MYT1L: variants seen among roughly 807,000 people sequenced by gnomAD.
MYT1L encodes the protein myelin transcription factor 1 like, also known as myelin transcription factor 1-like protein.
In MYT1L, 12 loss-of-function variants were observed where a neutral mutation model predicts 126.7. The ratio of observed to expected loss-of-function variants is 0.09; its 90% CI spans 0.06 to 0.15. MYT1L has a LOEUF of 0.15. MYT1L is among the 10% of genes least tolerant of loss of function. The pLI is 1.00. For synonymous variants in MYT1L, 541 were observed against 604.2 expected (o/e 0.90, Z 1.53); for missense variants, 979 against 1,585.2 (o/e 0.62, Z 6.49).
intron 19 of MYT1L, among the ~76,000 whole-genome samples, chr2:1,846,521 G>A (rs1051065522): frequency 3.0e-4 from 46 of 152,256 alleles, no homozygotes; most frequent in African/African-American, 1.0e-3. Flanking sequence ...GTGAGCACAC[G>A]GACAGAGCAT....
At chr2:1,968,911 G>A (rs566619325) in intron 8 of MYT1L, among the ~76,000 whole-genome samples, 8 of 152,238 alleles carry the variant, frequency 5.3e-5, no homozygotes, top group African/African-American at 1.7e-4. Flanking sequence ...CCCCTCCTGC[G>A]TGTGCAGCAG....
chr2:2,287,412 GC>G (rs149606681), intron 1 of MYT1L, among the ~76,000 whole-genome samples: 1,594 of 152,146 alleles, frequency 0.01, 21 homozygotes, highest in African/African-American at 0.032. Context: ...GTTAAGCATC[GC>G]CAGCATCCTG....
chr2:2,209,018 A>T (rs2093411124), intron 2 of MYT1L, among the ~76,000 whole-genome samples: 2 of 152,036 alleles, frequency 1.3e-5, no homozygotes, highest in African/African-American at 4.8e-5. Context: ...ACACACACAC[A>T]CACACACCCC....
At chr2:1,993,137 A>G (rs1186842794) in intron 5 of MYT1L, among the ~76,000 whole-genome samples, 2 of 152,148 alleles carry the variant, frequency 1.3e-5, no homozygotes, top group African/African-American at 4.8e-5. Context: ...GTAATAATGA[A>G]ACTCCAGCCT....
intron 5 of MYT1L, among the ~76,000 whole-genome samples, chr2:1,982,864 G>A (rs547162691): frequency 6.6e-6 from 1 of 152,280 alleles, no homozygotes; most frequent in East Asian, 1.9e-4. Context: ...TAGTTTAGGG[G>A]AGCACCTGTG....
chr2:2,154,945 G>A (rs2086476587), intron 3 of MYT1L, among the ~76,000 whole-genome samples: 1 of 152,258 alleles, frequency 6.6e-6, no homozygotes, highest in Admixed American at 6.5e-5. Context: ...TGACCAACAT[G>A]GAGAGACCTT....
chr2:1,963,478 T>A (rs1329520845), intron 8 of MYT1L, among the ~76,000 whole-genome samples: 5 of 152,336 alleles, frequency 3.3e-5, no homozygotes, highest in South Asian at 2.1e-4. Context: ...CCTTTGAAGC[T>A]TTGAACCCAG....
At chr2:1,954,240 C>A (rs2058133493) in intron 8 of MYT1L, among the ~76,000 whole-genome samples, 1 of 152,204 alleles carries the variant, frequency 6.6e-6, no homozygotes, top group Admixed American at 6.5e-5. Flanking sequence ...CACCGTGAGT[C>A]AGAAAACATA....
chr2:2,107,341 T>C (rs1340170377), intron 3 of MYT1L, among the ~76,000 whole-genome samples: 4 of 152,232 alleles, frequency 2.6e-5, no homozygotes, highest in Non-Finnish European at 2.9e-5. Flanking sequence ...ATAAGTTTTA[T>C]TGGAACACTG....
At chr2:1,865,335 T>C (rs566529413) in intron 18 of MYT1L, among the ~76,000 whole-genome samples, 4 of 152,154 alleles carry the variant, frequency 2.6e-5, no homozygotes, top group Non-Finnish European at 5.9e-5. Context: ...GGGGTTCCTG[T>C]GGGCTTTGAG....
At chr2:2,276,611 G>C (rs545230819) in intron 2 of MYT1L, among the ~76,000 whole-genome samples, 17 of 152,260 alleles carry the variant, frequency 1.1e-4, no homozygotes, top group Admixed American at 9.8e-4. Flanking sequence ...CGCTAAGGCT[G>C]GTTGTCACAT....
chr2:2,066,714 G>A (rs541358247), intron 3 of MYT1L, among the ~76,000 whole-genome samples: 8 of 152,274 alleles, frequency 5.3e-5, no homozygotes, highest in South Asian at 4.2e-4. Context: ...AAAAGTTGCC[G>A]CTGTCCTGTC....
chr2:1,903,603 G>T (rs942363797), intron 13 of MYT1L, among the ~76,000 whole-genome samples: 1 of 152,126 alleles, frequency 6.6e-6, no homozygotes, highest in African/African-American at 2.4e-5. Context: ...TGAGATATGA[G>T]GATGGGGACA....
intron 18 of MYT1L, among the ~76,000 whole-genome samples, chr2:1,866,311 C>T (rs1024990480): frequency 6.6e-6 from 1 of 152,148 alleles, no homozygotes; most frequent in South Asian, 2.1e-4. Context: ...CCACAGACAC[C>T]TCTGGCCCCG....
intron 21 of MYT1L, among the ~76,000 whole-genome samples, chr2:1,815,286 G>C (rs2037444245): frequency 6.6e-6 from 1 of 152,156 alleles, no homozygotes; most frequent in Non-Finnish European, 1.5e-5. Flanking sequence ...CTGTGTTGGT[G>C]CGGATGTCTC....
At chr2:2,307,829 A>T (rs1042051049) in intron 1 of MYT1L, among the ~76,000 whole-genome samples, 1 of 141,556 alleles carries the variant, frequency 7.1e-6, no homozygotes, top group African/African-American at 2.7e-5. Context: ...TCTATACTCC[A>T]CCTATACTTC....
intron 3 of MYT1L, among the ~76,000 whole-genome samples, chr2:2,082,186 T>G (rs865952505): frequency 7.9e-5 from 12 of 152,186 alleles, no homozygotes; most frequent in African/African-American, 2.2e-4. Flanking sequence ...GTGTATAGCA[T>G]AAGACAGCAT....
rs907548119 is a variant in MYT1L at position 1,882,266 on chromosome 2, G to A, written c.2711+4273C>T. On this transcript the variant is annotated intron_variant, in intron 18 of 24. Coordinates refer to ENST00000647738, the MANE Select transcript of MYT1L (RefSeq NM_001303052.2). ...TGGAGCCCCAGTGGACGCTATGCAC[G>A]GGAGTGACCCACACCCGAGAAACCC... 5.9e-5 allele frequency among the ~76,000 whole-genome samples: 9 copies of A among 152,100 alleles called. No homozygotes were observed. The East Asian group carries it at 9.7e-4, about 16-fold the overall frequency.
At chr2:2,155,937 T>C (rs947693179) in intron 3 of MYT1L, among the ~76,000 whole-genome samples, 4 of 152,156 alleles carry the variant, frequency 2.6e-5, no homozygotes, top group Non-Finnish European at 5.9e-5. Context: ...TAAGCCCCAC[T>C]CTGTCACATA....
Sources: allele counts gnomAD v4.1 joint callset (sites outside exome capture counted in the v4.1 genomes callset), GRCh38; gene constraint gnomAD v4.1.1; transcripts MANE v1.5; gene names NCBI Gene and HGNC (gene_info 2026-07-23, HGNC 2026-07-21).